The following WDR91 variants were observed in gnomAD, a reference collection of about 807,000 sequenced individuals.
WDR91 encodes WD repeat-containing protein 91.
In WDR91, 52 loss-of-function variants were observed where a neutral mutation model predicts 88.4. The observed-to-expected ratio is 0.59, with a 90% confidence interval of 0.47 to 0.74. WDR91 has a LOEUF of 0.74. WDR91 is among the 30% of genes least tolerant of loss of function. The pLI is 0.00. For synonymous variants in WDR91, 362 were observed against 389.5 expected, an observed-to-expected ratio of 0.93 and a Z score of 0.83; for missense variants, 824 against 954.5, an observed-to-expected ratio of 0.86 and a Z score of 1.80.
intron 3 of WDR91, among the ~76,000 whole-genome samples, chr7:135,208,455 A>G (rs888198799): frequency 1.3e-5 from 2 of 152,134 alleles, no homozygotes; most frequent in African/African-American, 4.8e-5. Flanking sequence ...ATGCACAGAG[A>G]GGGTACTCTC....
intron 11 of WDR91, among the ~76,000 whole-genome samples, chr7:135,191,957 AG>A (rs1831180954): frequency 6.6e-6 from 1 of 152,224 alleles, no homozygotes; most frequent in Non-Finnish European, 1.5e-5. Flanking sequence ...GACAGTGGGC[AG>A]GGAGGGGCAC....
At chr7:135,210,853 T>C (rs1416108627) in intron 1 of WDR91, 2 of 703,616 alleles carry the variant, frequency 2.8e-6, no homozygotes, top group East Asian at 5.4e-5. Flanking sequence ...AAAATCATTT[T>C]AGAGCAGGGG....
intron 8 of WDR91, among the ~76,000 whole-genome samples, chr7:135,195,781 T>G (rs1307319590): frequency 6.6e-6 from 1 of 152,078 alleles, no homozygotes; most frequent in Non-Finnish European, 1.5e-5. Flanking sequence ...ACCCCGTCTC[T>G]ACTACAAATA....
At chr7:135,202,375 G>A (rs531828555) in intron 6 of WDR91, 5 of 152,262 alleles carry the variant, frequency 3.3e-5, no homozygotes, top group Middle Eastern at 3.4e-3. Context: ...CCTGACTATT[G>A]GGTTTTTTAG....
intron 11 of WDR91, among the ~76,000 whole-genome samples, chr7:135,192,376 C>G (rs1010931211): frequency 6.6e-6 from 1 of 152,188 alleles, no homozygotes; most frequent in African/African-American, 2.4e-5. Context: ...CCTCAGCTTC[C>G]CAAAGTGCTG....
chr7:135,186,313 C>T lies in WDR91; in HGVS notation c.2082G>A (p.Leu694=), dbSNP rs1192857601. ...TCTCCAGAACCTTCTCATCGCCACC[C>T]AGCTGCAAGAGGACAGGAAAGAGGA... ...CSATGGVIYK[L]GGDEKVLESC... The change falls in exon 15 of 15, where the codon CTG becomes CTA. Residue 694 remains leucine, a splice_region_variant and synonymous_variant. Transcript: ENST00000354475. 3 of 1,611,754 alleles carry T rather than the reference C, an allele frequency of 1.9e-6. No individual in the cohort carries two copies. The South Asian group carries it at 3.3e-5, about 18-fold the overall frequency.
chr7:135,193,642 G>A lies in WDR91; in HGVS notation c.1426C>T (p.Arg476Cys). The A allele has an allele frequency of 3.1e-6, 5 of 1,614,082 alleles. No homozygotes were observed. Among genetic ancestry groups the A allele is most frequent in the East Asian group, 2.2e-5 (1 of 44,884 alleles). ...LLLGSGVGTV[R>C]LYDTEAKKNL... is the part of the protein sequence containing the mutation. ...TTCTTGGCTTCCGTGTCATAGAGAC[G>A]CACTGTTCCCACACCACTGCCCAGC... is the stretch of plus-strand genomic sequence containing the variant. Residue 476 changes from arginine (R) to cysteine (C), a missense_variant, in exon 10 of 15, where the codon CGT becomes TGT. By Grantham distance (180) the Arg-to-Cys change is radical. Coordinates refer to ENST00000354475, the MANE Select transcript of WDR91 (RefSeq NM_014149.4).
intron 11 of WDR91, among the ~76,000 whole-genome samples, chr7:135,189,761 C>A (rs1178883596): frequency 6.6e-6 from 1 of 152,222 alleles, no homozygotes; most frequent in Non-Finnish European, 1.5e-5. Flanking sequence ...GCATTCCAAG[C>A]AAATTCTCAT....
chr7:135,193,830 A>G, intron 9 of WDR91, 158 bp from the exon 10 acceptor site: 1 of 621,400 alleles, frequency 1.6e-6, no homozygotes, highest in South Asian at 1.9e-5. Flanking sequence ...AATGAGCCTC[A>G]CTTTAAAATT....
chr7:135,193,352 G>A lies in WDR91; in HGVS notation c.1538C>T (p.Ser513Leu). ...GGAAGTGAGGCTCGGAGCTGCTGCC[G>A]AACAGACGAAAGAGGCCCCGTTGGG... is the stretch of plus-strand genomic sequence containing the variant. Reference protein sequence around the residue: ...CSPNGASFVCSAAAPSLTSQV... With the variant: ...CSPNGASFVCLAAAPSLTSQV... Residue 513 changes from serine to leucine, a missense_variant, in exon 11 of 15, where the codon TCG becomes TTG. Transcript: ENST00000354475. 2 of 1,614,196 alleles carry A rather than the reference G, an allele frequency of 1.2e-6. No individual in the cohort carries two copies. Among genetic ancestry groups the A allele is most frequent in the Non-Finnish European group, 1.7e-6 (2 of 1,180,044 alleles).
intron 6 of WDR91, chr7:135,199,490 C>T (rs957155809): frequency 1.3e-5 from 2 of 152,132 alleles, no homozygotes; most frequent in Non-Finnish European, 2.9e-5. Context: ...GGGAGGTGGC[C>T]TGTTGGAGTT....
intron 11 of WDR91, 78 bp from the exon 12 acceptor site, chr7:135,189,530 T>C: frequency 8.3e-7 from 1 of 1,201,046 alleles, no homozygotes. Flanking sequence ...TGCAGACAGG[T>C]GCCCCAGACT....
Position 135,193,486 on chromosome 7 carries a change from G to T in WDR91, c.1491-87C>A, listed in dbSNP as rs1003151651. 2.5e-6 allele frequency: 4 copies of T among 1,610,774 alleles called. No individual in the cohort carries two copies. In the African/African-American group the frequency reaches 4.0e-5, roughly 16 times the overall value. ...GGTCCTGAGGCTGGATCCTGCACAG[G>T]AGATGGGGCATTAGGCTTGGGAAAG... On this transcript the variant is annotated intron_variant, in intron 10 of 14. Coordinates refer to ENST00000354475, the MANE Select transcript of WDR91 (RefSeq NM_014149.4).
Position 135,204,254 on chromosome 7 carries a change from G to C in WDR91, c.891+14C>G. 1 of 1,613,092 alleles carries C rather than the reference G, an allele frequency of 6.2e-7. No individual in the cohort carries two copies. The highest frequency in any genetic ancestry group is 8.5e-7 in the Non-Finnish European group (1 of 1,179,388). On this transcript the variant is annotated intron_variant, in intron 6 of 14. Coordinates refer to ENST00000354475, the MANE Select transcript of WDR91 (RefSeq NM_014149.4). Reference sequence around the variant, plus strand: ...CTTCTTGGCCAGAGTTAGAGAGGCAGGACTTGTGCTTACCTGACCACCGAA... The same window carrying C: ...CTTCTTGGCCAGAGTTAGAGAGGCACGACTTGTGCTTACCTGACCACCGAA...
chr7:135,209,668 G>C lies in WDR91; in HGVS notation c.211C>G (p.Arg71Gly), dbSNP rs763257351. The C allele has an allele frequency of 6.2e-7, 1 of 1,613,540 alleles. No individual in the cohort carries two copies. Among genetic ancestry groups the C allele is most frequent in the Non-Finnish European group, 8.5e-7 (1 of 1,179,820 alleles). The change falls in exon 2 of 15, where the codon CGG becomes GGG. Residue 71 changes from arginine (R) to glycine (G), a missense_variant. Coordinates refer to ENST00000354475, the MANE Select transcript of WDR91 (RefSeq NM_014149.4). Reference sequence around the variant, plus strand: ...ATATCCTCCAAGCGGCTGAAGAGCCGACGCTCCAAGTAGCTCCAATAATCC... The same window carrying C: ...ATATCCTCCAAGCGGCTGAAGAGCCCACGCTCCAAGTAGCTCCAATAATCC... ...LRDYWSYLER[R>G]LFSRLEDIYR...
At chr7:135,209,514 C>A in intron 2 of WDR91, 62 bp downstream of exon 2, 5 of 1,443,564 alleles carry the variant, frequency 3.5e-6, no homozygotes, top group Non-Finnish European at 4.6e-6. Context: ...GGAAGAAAAT[C>A]TATTTTGGGA....
rs1831937831 is a variant in WDR91, at chr7:135,209,579, G to C, written c.300C>G (p.Ile100Met). The change falls in exon 2 of 15, where the codon ATC becomes ATG. Residue 100 changes from isoleucine to methionine, a missense_variant. Coordinates refer to ENST00000354475, the MANE Select transcript of WDR91 (RefSeq NM_014149.4). ...GAACCCCTGAATCAACAGGCACCTG[G>C]ATTGTGTAGACAAGATAAAATCGAA... ...SLFRFYLVYT[I>M]QTNRNDKAQE... 1 of 1,582,928 alleles carries C rather than the reference G, an allele frequency of 6.3e-7. No homozygotes were observed. The highest frequency in any genetic ancestry group is 8.6e-7 in the Non-Finnish European group (1 of 1,163,276).
At position 135,208,858 on chromosome 7, in the gene WDR91, A is replaced by G; in HGVS notation, c.444T>C (p.Ser148=). 1 of 1,614,194 alleles carries G rather than the reference A, an allele frequency of 6.2e-7. No individual in the cohort carries two copies. The highest frequency in any genetic ancestry group is 1.1e-5 in the South Asian group (1 of 91,088). ...CAATGAAGGTGTCAGCCCACTGTCG[A>G]GAAAAGTAGGTAGCAAAGGTGGGGT... ...DTNPTFATYF[S]RQWADTFIVS... Residue 148 remains serine (S), a synonymous_variant, in exon 3 of 15, where the codon TCT becomes TCC. Transcript: ENST00000354475.
intron 4 of WDR91, among the ~76,000 whole-genome samples, chr7:135,206,634 ATTGTT>A (rs1387780261): frequency 6.6e-6 from 1 of 152,048 alleles, no homozygotes. Flanking sequence ...CCCTGGCTCT[ATTGTT>A]TTATCAAACT....
Sources: gnomAD v4.1 joint callset for allele counts (sites outside exome capture counted in the v4.1 genomes callset) on GRCh38, gnomAD v4.1.1 for gene constraint, MANE v1.5 for transcripts, NCBI Gene and HGNC (gene_info 2026-07-23, HGNC 2026-07-21) for gene names.